HMCN2: variants seen among roughly 807,000 people sequenced by gnomAD.
The protein encoded by HMCN2 is hemicentin-2.
HMCN2 carries 325 observed loss-of-function variants against 377.5 expected under a neutral mutation model. That is an observed-to-expected ratio of 0.86 (90% CI 0.79 to 0.94). The LOEUF (loss-of-function observed/expected upper bound fraction) is 0.94. HMCN2 is among the 40% of genes least tolerant of loss of function. The probability of loss-of-function intolerance (pLI) is 0.00; values close to 1 mark genes in which losing one functional copy is unlikely to be tolerated. For missense variants in HMCN2, 4,543 were observed against 4,725.3 expected (o/e 0.96, Z 1.13); for synonymous variants, 2,007 against 2,046.8 (o/e 0.98, Z 0.53).
chr9:130,327,829 G>A, intron 22 of HMCN2, among the ~76,000 whole-genome samples: 1 of 152,212 alleles, frequency 6.6e-6, no homozygotes, highest in East Asian at 1.9e-4. Flanking sequence ...AGCAAAGCCA[G>A]GGCTGGGACC....
Position 130,433,408 on chromosome 9 carries a change from CCGGCTGCTGCCGCT to C in HMCN2, c.14956_14969del (p.Arg4986AlafsTer227). On this transcript the variant is annotated frameshift_variant, in exon 98 of 98. Coordinates refer to ENST00000683500, the MANE Select transcript of HMCN2 (RefSeq NM_001291815.2). LOFTEE classifies it high-confidence loss of function. ...CGGGCGGCCCCTCTACGCTGCAGTA[CCGGCTGCTGCCGCT>C]GCCCCTGGGCGTGCGCGCCCACCAC... 6.7e-7 allele frequency: 1 copy of C among 1,493,322 alleles called. No homozygotes were observed. The highest frequency in any genetic ancestry group is 1.3e-5 in the South Asian group (1 of 79,446). The allele number at this position is 1,493,322 out of a possible 1,614,324, so 92.5% of individuals were successfully genotyped here.
At chr9:130,384,862 C>A (rs1308359139) in intron 59 of HMCN2, 64 bp downstream of exon 59, 14 of 1,079,046 alleles carry the variant, frequency 1.3e-5, no homozygotes, top group Non-Finnish European at 1.5e-5. Context: ...TCAGCCCATA[C>A]TCCCCCAGAG....
chr9:130,366,323 A>C (rs920796804), intron 43 of HMCN2, among the ~76,000 whole-genome samples: 1 of 151,996 alleles, frequency 6.6e-6, no homozygotes, highest in South Asian at 2.1e-4. Flanking sequence ...GTCACTTGTC[A>C]TGTCACCCAC....
intron 74 of HMCN2, among the ~76,000 whole-genome samples, chr9:130,397,953 A>C (rs1055644275): frequency 2.0e-5 from 3 of 151,520 alleles, no homozygotes; most frequent in African/African-American, 7.3e-5. Context: ...TTTGAGACCA[A>C]CCTGGGCAAC....
chr9:130,309,223 C>T (rs1191701486), intron 14 of HMCN2, among the ~76,000 whole-genome samples: 1 of 152,070 alleles, frequency 6.6e-6, no homozygotes, highest in Non-Finnish European at 1.5e-5. Context: ...AGAAAAATGG[C>T]GGGCTGGGGG....
Position 130,396,075 on chromosome 9 carries a change from G to GCC in HMCN2, c.11053+12_11053+13dup. The GCC allele has an allele frequency of 2.6e-5, 32 of 1,243,302 alleles. No individual in the cohort carries two copies. The highest frequency in any genetic ancestry group is 3.1e-5 in the African/African-American group (2 of 64,108). 77.0% of individuals were successfully genotyped at this position (1,243,302 alleles called of 1,614,324 possible). Reference sequence around the variant, plus strand: ...CGCGTGGAGATCCACAGTGAGTAGGGCCCGCCCCACCCCACCCTGCCCACC... The same window carrying GCC: ...CGCGTGGAGATCCACAGTGAGTAGGGCCCCCGCCCCACCCCACCCTGCCCACC... On this transcript the variant is annotated intron_variant, in intron 72 of 97. Coordinates refer to ENST00000683500, the MANE Select transcript of HMCN2 (RefSeq NM_001291815.2).
intron 1 of HMCN2, among the ~76,000 whole-genome samples, chr9:130,266,952 CTT>C (rs10561462): frequency 0.44 from 66,276 of 149,208 alleles, 15,736 homozygotes; most frequent in East Asian, 0.89. Flanking sequence ...TTCCACACTT[CTT>C]TTTTTTTTTG....
At chr9:130,287,573 A>G (rs1835485488) in intron 4 of HMCN2, among the ~76,000 whole-genome samples, 1 of 143,956 alleles carries the variant, frequency 6.9e-6, no homozygotes, top group Non-Finnish European at 1.6e-5. Flanking sequence ...AAAAAAAAAA[A>G]AAAAAGATTA....
chr9:130,430,876 G>C lies in HMCN2; in HGVS notation c.14647+272G>C. On this transcript the variant is annotated intron_variant, in intron 95 of 97. Coordinates refer to ENST00000683500, the MANE Select transcript of HMCN2 (RefSeq NM_001291815.2). ...CCCAGAGGGAGGGCATCCTAGGCAA[G>C]TGGTCCTGGGAACCCCCTTTGAGAA... is the stretch of plus-strand genomic sequence containing the variant. The C allele has an allele frequency of 1.2e-5, 6 of 509,856 alleles. No homozygotes were observed. The South Asian group carries it at 1.8e-4, about 15-fold the overall frequency. The allele number at this position is 509,856 out of a possible 1,614,324, so 31.6% of individuals were successfully genotyped here.
intron 25 of HMCN2, among the ~76,000 whole-genome samples, chr9:130,346,059 A>G (rs972681978): frequency 1.1e-3 from 171 of 152,210 alleles, no homozygotes; most frequent in Non-Finnish European, 2.1e-3. Context: ...AGTGTTAGCT[A>G]CAACAGTCCT....
rs1188570735 is a variant in HMCN2, at chr9:130,306,835, C to G, written c.1983C>G (p.Thr661=). Residue 661 remains threonine, a synonymous_variant, in exon 13 of 98, where the codon ACC becomes ACG. Transcript: ENST00000683500. The stretch of plus-strand genomic sequence containing the variant: ...GAATCCATGTGGACGCACAGGGAAC[C>G]CTGATTATTCAGGGGGTAGCCCCAG... The part of the protein sequence containing the change: ...DSRIHVDAQG[T]LIIQGVAPED... 1 of 470,558 alleles carries G rather than the reference C, an allele frequency of 2.1e-6. No individual in the cohort carries two copies. 29.1% of individuals were successfully genotyped at this position (470,558 alleles called of 1,614,324 possible).
In HMCN2 at chr9:130,303,016, G is replaced by A; in HGVS notation, c.1421+15G>A. 2.2e-6 allele frequency: 1 copy of A among 462,510 alleles called. No homozygotes were observed. Among genetic ancestry groups the A allele is most frequent in the Middle Eastern group, 4.3e-4 (1 of 2,330 alleles). 28.7% of individuals were successfully genotyped at this position (462,510 alleles called of 1,614,324 possible). A position where few individuals can be genotyped will look rare whatever the true frequency, so the allele number is the denominator to read the frequency against. On this transcript the variant is annotated intron_variant, in intron 9 of 97. Transcript: ENST00000683500. The surrounding 1 kb of genome is among the most constrained non-coding windows in gnomAD (Gnocchi z 5.2). ...AGGCACTTTCAGTGAGTGGCCCACG[G>A]CAGCTGATTGTCCCCAGCCACAGGG...
chr9:130,340,952 G>C (rs1403428311), intron 23 of HMCN2, among the ~76,000 whole-genome samples, 159 bp from the exon 24 acceptor site: 1 of 152,210 alleles, frequency 6.6e-6, no homozygotes. Flanking sequence ...CTTTGGGGGA[G>C]TCCACGTGAG....
chr9:130,432,343 A>G lies in HMCN2; in HGVS notation c.14768-86A>G, dbSNP rs1844806810. ...GGCTGCCCACCTCACTGGTCCCCCA[A>G]AGGTACTTCTCCCCACGCACTCCCC... On this transcript the variant is annotated intron_variant, in intron 96 of 97. Transcript: ENST00000683500. The G allele has an allele frequency of 7.0e-6, 9 of 1,294,046 alleles. 1 individual carries two copies. Among genetic ancestry groups the G allele is most frequent in the South Asian group, 2.6e-5 (2 of 77,222 alleles). 80.2% of individuals were successfully genotyped at this position (1,294,046 alleles called of 1,614,324 possible). A position where few individuals can be genotyped will look rare whatever the true frequency, so the allele number is the denominator to read the frequency against.
intron 47 of HMCN2, 42 bp from the exon 48 acceptor site, chr9:130,372,996 C>CT (rs958730327): frequency 1.4e-5 from 2 of 147,342 alleles, no homozygotes; most frequent in African/African-American, 2.5e-5. Context: ...CAGCCCCCCC[C>CT]CCCACCCCAT....
intron 26 of HMCN2, 183 bp from the exon 27 acceptor site, chr9:130,348,362 C>A: frequency 2.3e-6 from 2 of 861,546 alleles, no homozygotes; most frequent in Non-Finnish European, 1.4e-6. Context: ...GTGTGTGGGT[C>A]CCAGGGCAAG....
chr9:130,333,380 C>T (rs1420418921), intron 22 of HMCN2, among the ~76,000 whole-genome samples: 4 of 152,192 alleles, frequency 2.6e-5, no homozygotes, highest in Non-Finnish European at 5.9e-5. Context: ...GGCATTATTC[C>T]TGGCACTCCC....
At chr9:130,420,055 C>T (rs921232993) in intron 86 of HMCN2, among the ~76,000 whole-genome samples, 3 of 145,898 alleles carry the variant, frequency 2.1e-5, no homozygotes, top group East Asian at 2.1e-4. Context: ...TTCAGGGCTT[C>T]GTCCCACTTC....
chr9:130,323,076 G>A (rs1268526452), intron 19 of HMCN2, among the ~76,000 whole-genome samples: 1 of 152,030 alleles, frequency 6.6e-6, no homozygotes, highest in African/African-American at 2.4e-5. Flanking sequence ...CCACATGCCA[G>A]GCATCTGCTA....
Sources: gnomAD v4.1 joint callset for allele counts (sites outside exome capture counted in the v4.1 genomes callset) on GRCh38, gnomAD v4.1.1 for gene constraint, Gnocchi (gnomAD v3.1) non-coding constraint, MANE v1.5 for transcripts, NCBI Gene and HGNC (gene_info 2026-07-23, HGNC 2026-07-21) for gene names.